AGBL4: variants seen among roughly 807,000 people sequenced by gnomAD.
The protein encoded by AGBL4 is cytosolic carboxypeptidase 6.
Under a neutral mutation model 66.4 loss-of-function variants are expected in AGBL4, and 58 were observed. The ratio of observed to expected loss-of-function variants is 0.87; its 90% CI spans 0.71 to 1.09. AGBL4 has a LOEUF of 1.09. AGBL4 is among the 50% of genes least tolerant of loss of function. The probability of loss-of-function intolerance (pLI) is 0.00; values close to 1 mark genes in which losing one functional copy is unlikely to be tolerated. For synonymous variants in AGBL4, 234 were observed against 222.9 expected (o/e 1.05, Z -0.44); for missense variants, 579 against 631.0 (o/e 0.92, Z 0.88).
chr1:49,827,617 C>T (rs1353302483), intron 2 of AGBL4, among the ~76,000 whole-genome samples: 2 of 152,152 alleles, frequency 1.3e-5, no homozygotes, highest in East Asian at 3.9e-4. Flanking sequence ...TGCTGGTCTG[C>T]AATGTGTTTG....
At chr1:49,879,412 A>G (rs1181881204) in intron 1 of AGBL4, among the ~76,000 whole-genome samples, 2 of 147,746 alleles carry the variant, frequency 1.4e-5, no homozygotes, top group Non-Finnish European at 3.0e-5. Flanking sequence ...TTTCTCCTTC[A>G]CTTATGAAGC....
At chr1:49,581,292 A>T (rs904310083) in intron 3 of AGBL4, among the ~76,000 whole-genome samples, 1 of 152,098 alleles carries the variant, frequency 6.6e-6, no homozygotes, top group African/African-American at 2.4e-5. Flanking sequence ...TTTCTCTTGC[A>T]TCTCATTGAA....
chr1:48,717,523 C>CGT (rs1557900384), intron 6 of AGBL4, among the ~76,000 whole-genome samples: 1 of 151,918 alleles, frequency 6.6e-6, no homozygotes. Context: ...AATGTGTGTG[C>CGT]GTGTGTGTGT....
intron 3 of AGBL4, among the ~76,000 whole-genome samples, chr1:49,275,983 T>C (rs1348534382): frequency 6.6e-6 from 1 of 152,132 alleles, no homozygotes. Context: ...TCTGTTAGAT[T>C]GCCACTGCAA....
chr1:49,510,996 A>C (rs990715290), intron 3 of AGBL4, among the ~76,000 whole-genome samples: 1 of 151,658 alleles, frequency 6.6e-6, no homozygotes, highest in Non-Finnish European at 1.5e-5. Flanking sequence ...GCCTTGTAGT[A>C]TAGTTTGAAG....
At chr1:48,705,877 A>T (rs1288882698) in intron 6 of AGBL4, among the ~76,000 whole-genome samples, 2 of 152,184 alleles carry the variant, frequency 1.3e-5, no homozygotes, top group Non-Finnish European at 2.9e-5. Flanking sequence ...AACCTATTGC[A>T]CCCAACAAAA....
chr1:48,570,265 G>A (rs1416883407), intron 11 of AGBL4, among the ~76,000 whole-genome samples: 1 of 152,258 alleles, frequency 6.6e-6, no homozygotes, highest in African/African-American at 2.4e-5. Flanking sequence ...GAAACTCTCA[G>A]TCACTCAGAA....
chr1:49,608,499 G>A (rs1196469027), intron 3 of AGBL4, among the ~76,000 whole-genome samples: 1 of 152,080 alleles, frequency 6.6e-6, no homozygotes, highest in African/African-American at 2.4e-5. Flanking sequence ...TCCCATCCAG[G>A]CCTTAGCCTG....
At chr1:49,318,048 A>G (rs1338396690) in intron 3 of AGBL4, among the ~76,000 whole-genome samples, 1 of 152,086 alleles carries the variant, frequency 6.6e-6, no homozygotes, top group Admixed American at 6.6e-5. Context: ...ATTAGCCAAC[A>G]AAATTTTTAA....
At chr1:49,235,625 G>A (rs1650667945) in intron 4 of AGBL4, among the ~76,000 whole-genome samples, 1 of 152,150 alleles carries the variant, frequency 6.6e-6, no homozygotes, top group South Asian at 2.1e-4. Context: ...TTATATACAA[G>A]GTGGAAGGAA....
chr1:50,013,853 A>T (rs1661733177), intron 1 of AGBL4, among the ~76,000 whole-genome samples: 1 of 152,194 alleles, frequency 6.6e-6, no homozygotes. Context: ...CAATTAATCC[A>T]ATTACTTAGT....
chr1:49,556,666 G>T (rs1197177750), intron 3 of AGBL4, among the ~76,000 whole-genome samples: 3 of 152,174 alleles, frequency 2.0e-5, no homozygotes, highest in African/African-American at 7.2e-5. Context: ...CCCGCGCAGG[G>T]GCCGCAGGCG....
At chr1:48,802,783 C>T (rs1645838842) in intron 6 of AGBL4, among the ~76,000 whole-genome samples, 1 of 152,174 alleles carries the variant, frequency 6.6e-6, no homozygotes, top group South Asian at 2.1e-4. Flanking sequence ...AACACATGGC[C>T]TATGGACTCA....
At chr1:49,130,084 A>C (rs1309290694) in intron 4 of AGBL4, among the ~76,000 whole-genome samples, 2 of 151,986 alleles carry the variant, frequency 1.3e-5, no homozygotes, top group African/African-American at 4.8e-5. Context: ...GCATTTTTTC[A>C]TGTGTCTGTT....
At chr1:49,576,553 G>C (rs1644439996) in intron 3 of AGBL4, among the ~76,000 whole-genome samples, 1 of 152,202 alleles carries the variant, frequency 6.6e-6, no homozygotes, top group Non-Finnish European at 1.5e-5. Flanking sequence ...TTGACTATGG[G>C]TCATCAAGTC....
intron 6 of AGBL4, among the ~76,000 whole-genome samples, chr1:48,729,785 T>C (rs776463357): frequency 2.0e-5 from 3 of 151,936 alleles, no homozygotes; most frequent in Non-Finnish European, 2.9e-5. Flanking sequence ...AGAAGGGTTT[T>C]GCAAAGAGAA....
chr1:49,839,841 C>T (rs1645945169), intron 2 of AGBL4, among the ~76,000 whole-genome samples: 1 of 152,204 alleles, frequency 6.6e-6, no homozygotes. Flanking sequence ...TTGTACAATA[C>T]TTTCTCCTAT....
At chr1:48,607,076 C>T (rs768290606) in intron 9 of AGBL4, among the ~76,000 whole-genome samples, 1 of 152,082 alleles carries the variant, frequency 6.6e-6, no homozygotes, top group Non-Finnish European at 1.5e-5. Flanking sequence ...TAGTGCATGT[C>T]CAAGTGCCTG....
chr1:48,870,195 G>A (rs1045418855), intron 5 of AGBL4, among the ~76,000 whole-genome samples: 2 of 151,848 alleles, frequency 1.3e-5, no homozygotes, highest in African/African-American at 4.8e-5. Flanking sequence ...TTCTTCCAAT[G>A]CATCTTGCAA....
Sources: gnomAD v4.1 joint callset for allele counts (sites outside exome capture counted in the v4.1 genomes callset) on GRCh38, gnomAD v4.1.1 for gene constraint, MANE v1.5 for transcripts, NCBI Gene and HGNC (gene_info 2026-07-23, HGNC 2026-07-21) for gene names.